The following IP6K1 variants were observed in gnomAD, a reference collection of about 807,000 sequenced individuals.
The protein encoded by IP6K1 is ATP:1D-myo-inositol-hexakisphosphate phosphotransferase.
A neutral mutation model predicts 38.3 loss-of-function variants in IP6K1; 13 were observed. That is an observed-to-expected ratio of 0.34 (90% CI 0.22 to 0.54). IP6K1 has a LOEUF of 0.54. Among genes scored for constraint, IP6K1 ranks in the 20% least tolerant of loss-of-function variants. IP6K1 has a pLI of 0.92. For synonymous variants in IP6K1, 212 were observed against 229.9 expected (o/e 0.92, Z 0.70); for missense variants, 397 against 599.8 (o/e 0.66, Z 3.53).
intron 4 of IP6K1, among the ~76,000 whole-genome samples, chr3:49,729,863 C>G (rs2080548471): frequency 6.6e-6 from 1 of 152,006 alleles, no homozygotes; most frequent in Admixed American, 6.6e-5. Flanking sequence ...TCTGGAACAG[C>G]TAGGACTACA....
intron 2 of IP6K1, among the ~76,000 whole-genome samples, chr3:49,740,532 G>A (rs1245369339): frequency 6.6e-6 from 1 of 152,126 alleles, no homozygotes; most frequent in African/African-American, 2.4e-5. Flanking sequence ...CCTAGCCCCA[G>A]TAACCAAATC....
intron 4 of IP6K1, among the ~76,000 whole-genome samples, chr3:49,731,381 A>G (rs947830070): frequency 2.6e-5 from 4 of 152,146 alleles, no homozygotes; most frequent in African/African-American, 9.7e-5. Flanking sequence ...TGAACATTTC[A>G]TTCTTTTGAA....
Position 49,727,295 on chromosome 3 carries a change from C to T in IP6K1, c.1153G>A (p.Ala385Thr). The T allele has an allele frequency of 6.2e-7, 1 of 1,614,184 alleles. No homozygotes were observed. The highest frequency in any genetic ancestry group is 2.2e-5 in the East Asian group (1 of 44,878). ...ACCTTGGGCTGAGAGGAGGGACCCG[C>T]CTCGGGGCTGGTGTTGCTGGGGCTG... ...STSPSNTSPEAGPSSQPKVDV... is the reference protein window; with the variant it reads ...STSPSNTSPETGPSSQPKVDV... Residue 385 changes from alanine to threonine, a missense_variant, in exon 6 of 6, where the codon GCG (alanine) becomes ACG (threonine). Coordinates refer to ENST00000321599, the MANE Select transcript of IP6K1 (RefSeq NM_153273.4). This position sits in a 1 kb window ranked among gnomAD's most constrained non-coding sequence, Gnocchi z 5.9.
At chr3:49,743,845 C>G (rs1298054467) in intron 2 of IP6K1, among the ~76,000 whole-genome samples, 1 of 151,642 alleles carries the variant, frequency 6.6e-6, no homozygotes, top group East Asian at 2.0e-4. Context: ...GTCTCGAACT[C>G]CTGACCTCAG....
chr3:49,739,632 C>T (rs908686291), intron 2 of IP6K1, among the ~76,000 whole-genome samples: 1 of 152,026 alleles, frequency 6.6e-6, no homozygotes, highest in Non-Finnish European at 1.5e-5. Context: ...GGATTACAGG[C>T]GTGAGCCACC....
intron 1 of IP6K1, among the ~76,000 whole-genome samples, chr3:49,754,589 C>A (rs1238115301): frequency 2.0e-5 from 3 of 151,376 alleles, no homozygotes; most frequent in Non-Finnish European, 4.4e-5. Flanking sequence ...TAGGAGAAAT[C>A]ATATGAGTTT....
Position 49,750,133 on chromosome 3 carries a change from A to T in IP6K1, c.-128-1965T>A, listed in dbSNP as rs2080760283. Among the ~76,000 whole-genome samples, 4 of 152,252 alleles carry T rather than the reference A, an allele frequency of 2.6e-5. No individual in the cohort carries two copies. In the South Asian group the frequency reaches 8.3e-4, roughly 32 times the overall value. Reference sequence around the variant, plus strand: ...TTTCCACCACGTAGTAAATACTTAAAAATAGAGTTGCTGGATTGTGGAGGG... The same window carrying T: ...TTTCCACCACGTAGTAAATACTTAATAATAGAGTTGCTGGATTGTGGAGGG... On this transcript the variant is annotated intron_variant, in intron 1 of 5. Coordinates refer to ENST00000321599, the MANE Select transcript of IP6K1 (RefSeq NM_153273.4).
intron 4 of IP6K1, 110 bp downstream of exon 4, chr3:49,732,681 T>G (rs1283836799): frequency 1.3e-6 from 1 of 792,932 alleles, no homozygotes; most frequent in Non-Finnish European, 2.0e-6. Flanking sequence ...AAAGGGAGAT[T>G]AAACCGAAGA....
chr3:49,759,221 G>A (rs980993020), intron 1 of IP6K1, among the ~76,000 whole-genome samples: 2 of 152,114 alleles, frequency 1.3e-5, no homozygotes, highest in Non-Finnish European at 2.9e-5. Context: ...TCCTTTGGGG[G>A]TGAAATCATT....
At chr3:49,760,614 ACTT>A (rs1471718588) in intron 1 of IP6K1, among the ~76,000 whole-genome samples, 5 of 132,952 alleles carry the variant, frequency 3.8e-5, no homozygotes, top group African/African-American at 1.5e-4. Flanking sequence ...ACAGAGTGAG[ACTT>A]CGTCTCAAAA....
intron 2 of IP6K1, among the ~76,000 whole-genome samples, chr3:49,744,065 G>A (rs1409391063): frequency 6.6e-6 from 1 of 151,944 alleles, no homozygotes; most frequent in East Asian, 1.9e-4. Context: ...GCCTAATGGT[G>A]ACTTCTATTC....
intron 2 of IP6K1, among the ~76,000 whole-genome samples, chr3:49,742,124 T>C (rs932174200): frequency 5.9e-5 from 9 of 152,190 alleles, no homozygotes; most frequent in Admixed American, 5.9e-4. Context: ...TCTTAGGATC[T>C]ACTTTATTTT....
chr3:49,730,289 G>T (rs1040798503), intron 4 of IP6K1, among the ~76,000 whole-genome samples: 16 of 152,026 alleles, frequency 1.1e-4, no homozygotes, highest in African/African-American at 3.9e-4. Context: ...TTCCCACCTT[G>T]GCCTCCAAAA....
At chr3:49,767,752 C>A (rs1021121235) in intron 1 of IP6K1, among the ~76,000 whole-genome samples, 1 of 151,760 alleles carries the variant, frequency 6.6e-6, no homozygotes. Context: ...TTCTAAAAAA[C>A]CGATTAATTA....
chr3:49,746,240 G>T (rs2080720029), intron 2 of IP6K1, among the ~76,000 whole-genome samples: 1 of 151,718 alleles, frequency 6.6e-6, no homozygotes, highest in African/African-American at 2.4e-5. Flanking sequence ...GACTCATATG[G>T]ACATTTGTAA....
rs777053980 is a variant in IP6K1 at position 49,727,074 on chromosome 3, C to A, written c.*48G>T. 6.6e-7 allele frequency: 1 copy of A among 1,519,494 alleles called. No homozygotes were observed. Among genetic ancestry groups the A allele is most frequent in the Non-Finnish European group, 8.9e-7 (1 of 1,128,212 alleles). The allele number at this position is 1,519,494 out of a possible 1,614,324, so 94.1% of individuals were successfully genotyped here. ...CTCACGGCAAGTTCAGAACAATGGTCCCTGCCTGCAGTGGAGAGGAAGGGG... is the reference window on the plus strand; with the variant it reads ...CTCACGGCAAGTTCAGAACAATGGTACCTGCCTGCAGTGGAGAGGAAGGGG... On this transcript the variant is annotated 3_prime_UTR_variant, in exon 6 of 6. Transcript: ENST00000321599. This position sits in a 1 kb window ranked among gnomAD's most constrained non-coding sequence, Gnocchi z 5.9.
chr3:49,783,721 A>C lies in IP6K1; in HGVS notation c.-129+2633T>G, dbSNP rs922046249. On this transcript the variant is annotated intron_variant, in intron 1 of 5. Transcript: ENST00000321599. ...GAGCGAGATTCCGTCTCAAAAAAAA[A>C]AAAAAAGAAAGAAAGAAAAGCTAAT... 1.0e-3 allele frequency among the ~76,000 whole-genome samples: 159 copies of C among 152,054 alleles called. 5 individuals are homozygous for C. The East Asian group carries it at 0.027, about 26-fold the overall frequency.
intron 1 of IP6K1, among the ~76,000 whole-genome samples, chr3:49,780,341 C>CACACACACACACACACAG (rs1025490190): frequency 6.6e-6 from 1 of 151,920 alleles, no homozygotes; most frequent in African/African-American, 2.4e-5. Flanking sequence ...CACACACACA[C>CACACACACACACACACAG]AGTCTTAGGC....
At chr3:49,756,762 C>T (rs2080826473) in intron 1 of IP6K1, among the ~76,000 whole-genome samples, 1 of 145,170 alleles carries the variant, frequency 6.9e-6, no homozygotes, top group African/African-American at 2.6e-5. Context: ...TTTAGGTGAG[C>T]CGAGATCACG....
Sources: allele counts gnomAD v4.1 joint callset (sites outside exome capture counted in the v4.1 genomes callset), GRCh38; gene constraint gnomAD v4.1.1; non-coding constraint Gnocchi (gnomAD v3.1); transcripts MANE v1.5; gene names NCBI Gene and HGNC (gene_info 2026-07-23, HGNC 2026-07-21).